Variants in PHF24 observed in about 807,000 individuals in gnomAD.
PHF24 encodes PHD finger protein 24.
Under a neutral mutation model 42.6 loss-of-function variants are expected in PHF24, and 25 were observed. The observed-to-expected ratio is 0.59, with a 90% CI of 0.43 to 0.82. The LOEUF (loss-of-function observed/expected upper bound fraction) is 0.82, where lower values mean the gene tolerates loss of function less well. Ranked by LOEUF, PHF24 falls within the 40% of genes least tolerant of loss-of-function variation. The pLI, the probability that PHF24 is intolerant of heterozygous loss-of-function variation, is 0.00. For missense variants in PHF24, 470 were observed against 538.1 expected (o/e 0.87, Z 1.25); for synonymous variants, 185 against 204.8 (o/e 0.90, Z 0.83).
chr9:34,680,429 C>G, the PHF24 span, among the ~76,000 whole-genome samples: 1 of 151,544 alleles, frequency 6.6e-6, no homozygotes, highest in South Asian at 2.1e-4. Context: ...TGGCTCACGC[C>G]TGTGGTCCCA....
At chr9:34,902,372 G>A in the PHF24 span, among the ~76,000 whole-genome samples, 3 of 152,024 alleles carry the variant, frequency 2.0e-5, no homozygotes, top group South Asian at 4.2e-4. Flanking sequence ...TTTTAGTCTG[G>A]GCATGATGGT....
chr9:34,716,805 A>C, the PHF24 span, among the ~76,000 whole-genome samples: 1 of 151,946 alleles, frequency 6.6e-6, no homozygotes, highest in Non-Finnish European at 1.5e-5. Flanking sequence ...AGGGGGTTTC[A>C]CCATATTGCC....
the PHF24 span, among the ~76,000 whole-genome samples, chr9:34,677,539 G>C: frequency 1.3e-5 from 2 of 151,862 alleles, no homozygotes; most frequent in Non-Finnish European, 2.9e-5. Flanking sequence ...TGGGACTACA[G>C]GTGCCCGCCA....
At chr9:34,973,524 T>C (rs1827080357) in intron 3 of PHF24, among the ~76,000 whole-genome samples, 1 of 152,198 alleles carries the variant, frequency 6.6e-6, no homozygotes, top group Non-Finnish European at 1.5e-5. Context: ...AGAGTTCAAG[T>C]CTTGCCTTAT....
chr9:34,873,351 G>A, the PHF24 span, among the ~76,000 whole-genome samples: 2 of 152,104 alleles, frequency 1.3e-5, no homozygotes, highest in African/African-American at 2.4e-5. Flanking sequence ...TAACATGTAA[G>A]TCTTTAATCC....
chr9:34,914,967 T>G, the PHF24 span, among the ~76,000 whole-genome samples: 1 of 150,868 alleles, frequency 6.6e-6, no homozygotes, highest in Non-Finnish European at 1.5e-5. Context: ...TTTTTTTTTT[T>G]TTTTGGTAGA....
chr9:34,891,499 G>A, the PHF24 span, among the ~76,000 whole-genome samples: 1 of 152,222 alleles, frequency 6.6e-6, no homozygotes, highest in Non-Finnish European at 1.5e-5. Flanking sequence ...TTCTGGTGCT[G>A]CATGCTGGGA....
At chr9:34,932,278 A>G in the PHF24 span, among the ~76,000 whole-genome samples, 1 of 152,300 alleles carries the variant, frequency 6.6e-6, no homozygotes, top group Non-Finnish European at 1.5e-5. Context: ...TTTTTTTCCC[A>G]TGCTGAAGCA....
At chr9:34,854,318 T>G in the PHF24 span, among the ~76,000 whole-genome samples, 2 of 151,922 alleles carry the variant, frequency 1.3e-5, no homozygotes, top group Non-Finnish European at 2.9e-5. Flanking sequence ...TTCTGCTAGC[T>G]TTGGGATTTG....
At chr9:34,673,810 A>G in the PHF24 span, among the ~76,000 whole-genome samples, 1 of 152,064 alleles carries the variant, frequency 6.6e-6, no homozygotes, top group East Asian at 1.9e-4. Flanking sequence ...TTTAGTAGAG[A>G]CGGGGTTTCA....
the PHF24 span, among the ~76,000 whole-genome samples, chr9:34,730,012 G>GT: frequency 6.6e-6 from 1 of 152,152 alleles, no homozygotes; most frequent in Non-Finnish European, 1.5e-5. Context: ...GGCCAAGGTG[G>GT]TTGTACGTAT....
chr9:34,919,492 C>G, the PHF24 span, among the ~76,000 whole-genome samples: 2 of 152,104 alleles, frequency 1.3e-5, no homozygotes, highest in South Asian at 4.2e-4. Context: ...CATCATTCTA[C>G]TATCTTCATG....
the PHF24 span, among the ~76,000 whole-genome samples, chr9:34,711,341 G>T: frequency 6.6e-6 from 1 of 151,228 alleles, no homozygotes; most frequent in Admixed American, 6.6e-5. Context: ...CGACCTCCTG[G>T]GCTCAAGTGA....
chr9:34,931,467 G>A, the PHF24 span, among the ~76,000 whole-genome samples: 1 of 151,362 alleles, frequency 6.6e-6, no homozygotes, highest in East Asian at 1.9e-4. Context: ...CTGCATATTA[G>A]GTACAGTACA....
the PHF24 span, among the ~76,000 whole-genome samples, chr9:34,801,510 G>A: frequency 6.6e-6 from 1 of 152,108 alleles, no homozygotes; most frequent in African/African-American, 2.4e-5. Flanking sequence ...GGCGGATCAC[G>A]AGGTCAAGAG....
the PHF24 span, among the ~76,000 whole-genome samples, chr9:34,905,886 C>A: frequency 6.6e-6 from 1 of 152,150 alleles, no homozygotes; most frequent in Admixed American, 6.5e-5. Context: ...TTGTGGATAT[C>A]TCCTCATGGG....
At chr9:34,919,682 CCCAG>C in the PHF24 span, among the ~76,000 whole-genome samples, 12 of 55,514 alleles carry the variant, frequency 2.2e-4, no homozygotes, top group Non-Finnish European at 5.3e-4. Context: ...TTTTCTTGTA[CCCAG>C]TAATTACACA....
chr9:34,924,229 T>A, the PHF24 span, among the ~76,000 whole-genome samples: 1 of 152,214 alleles, frequency 6.6e-6, no homozygotes, highest in Admixed American at 6.5e-5. Context: ...ATATGGGCTG[T>A]CCTTGAGAAT....
the PHF24 span, among the ~76,000 whole-genome samples, chr9:34,704,899 G>T: frequency 6.6e-6 from 1 of 152,154 alleles, no homozygotes; most frequent in African/African-American, 2.4e-5. Context: ...TGACACTGAG[G>T]AGGACTCATT....
Sources: allele counts gnomAD v4.1 joint callset (sites outside exome capture counted in the v4.1 genomes callset), GRCh38; gene constraint gnomAD v4.1.1; transcripts MANE v1.5; gene names NCBI Gene and HGNC (gene_info 2026-07-23, HGNC 2026-07-21).